The following SLC6A4 variants were observed in gnomAD, a reference collection of about 807,000 sequenced individuals.
SLC6A4 encodes the protein solute carrier family 6 member 4.
Under a neutral mutation model 73.4 loss-of-function variants are expected in SLC6A4, and 22 were observed. The ratio of observed to expected loss-of-function variants is 0.30; its 90% CI spans 0.21 to 0.43. The LOEUF is 0.43. SLC6A4 is among the 20% of genes least tolerant of loss of function. SLC6A4 has a pLI of 1.00. For missense variants in SLC6A4, 593 were observed against 808.5 expected (o/e 0.73, Z 3.23); for synonymous variants, 270 against 315.5 (o/e 0.86, Z 1.53).
At position 30,218,153 on chromosome 17, in the gene SLC6A4, G is replaced by A. The variant is rs1452944967; in HGVS notation, c.663C>T (p.Thr221=). 1.2e-6 allele frequency: 2 copies of A among 1,614,200 alleles called. No individual in the cohort carries two copies. The highest frequency in any genetic ancestry group is 1.7e-6 in the Non-Finnish European group (2 of 1,180,028). Reference sequence around the variant, plus strand: ...CTTCAGCAGGGGACGTGGAATGGAGGGTCCAGGTGATGTTGTCCTCGGAGA... The same window carrying A: ...CTTCAGCAGGGGACGTGGAATGGAGAGTCCAGGTGATGTTGTCCTCGGAGA... ...NYFSEDNITW[T]LHSTSPAEEF... The change falls in exon 5 of 15, where the codon ACC becomes ACT. Residue 221 remains threonine, a synonymous_variant. Coordinates refer to ENST00000650711, the MANE Select transcript of SLC6A4 (RefSeq NM_001045.6).
chr17:30,224,128 G>T (rs1906855815), intron 1 of SLC6A4, among the ~76,000 whole-genome samples: 1 of 152,124 alleles, frequency 6.6e-6, no homozygotes, highest in Non-Finnish European at 1.5e-5. Flanking sequence ...AAGGCCAAAT[G>T]GCAGGGAGGA....
intron 1 of SLC6A4, among the ~76,000 whole-genome samples, chr17:30,230,817 A>T (rs1907089665): frequency 6.6e-6 from 1 of 152,100 alleles, no homozygotes; most frequent in Admixed American, 6.6e-5. Context: ...ACGTGCAACC[A>T]CCTCTTCAGC....
At chr17:30,218,402 G>T in intron 4 of SLC6A4, 65 bp from the exon 5 acceptor site, 1 of 1,291,812 alleles carries the variant, frequency 7.7e-7, no homozygotes, top group Non-Finnish European at 1.1e-6. Flanking sequence ...GCAAAAGGCT[G>T]AAACGGGGCA....
At chr17:30,217,327 G>T in intron 5 of SLC6A4, 23 bp from the exon 6 acceptor site, 1 of 1,609,614 alleles carries the variant, frequency 6.2e-7, no homozygotes, top group Non-Finnish European at 8.5e-7. Flanking sequence ...AGAAAGAAAG[G>T]CCCCTGAGAG....
Position 30,218,348 on chromosome 17 carries a change from G to T in SLC6A4, c.479-11C>A. 6.2e-7 allele frequency: 1 copy of T among 1,606,950 alleles called. No individual in the cohort carries two copies. The highest frequency in any genetic ancestry group is 8.5e-7 in the Non-Finnish European group (1 of 1,174,196). ...TGGCATAACCAATCCCTGGGCAGTG[G>T]GTGAGATGGAGAGACAGAGGCCGAG... On this transcript the variant is annotated splice_polypyrimidine_tract_variant and intron_variant, in intron 4 of 14. Coordinates refer to ENST00000650711, the MANE Select transcript of SLC6A4 (RefSeq NM_001045.6).
chr17:30,213,807 C>G, intron 8 of SLC6A4, among the ~76,000 whole-genome samples: 1 of 152,044 alleles, frequency 6.6e-6, no homozygotes, highest in East Asian at 1.9e-4. Context: ...AGTGCAGTGG[C>G]ATGAACACAG....
intron 8 of SLC6A4, among the ~76,000 whole-genome samples, chr17:30,214,709 C>T (rs1434240755): frequency 1.3e-5 from 2 of 149,504 alleles, no homozygotes; most frequent in Non-Finnish European, 1.5e-5. Context: ...CTCGGCTCAC[C>T]GCAAACTCCA....
At chr17:30,232,139 T>G (rs1907131429) in intron 1 of SLC6A4, among the ~76,000 whole-genome samples, 1 of 152,226 alleles carries the variant, frequency 6.6e-6, no homozygotes, top group African/African-American at 2.4e-5. Flanking sequence ...TGAAATGCTC[T>G]TTTTTCCTGT....
intron 13 of SLC6A4, among the ~76,000 whole-genome samples, chr17:30,206,859 C>T (rs951212240): frequency 2.0e-5 from 3 of 151,384 alleles, no homozygotes; most frequent in Non-Finnish European, 4.4e-5. Context: ...GCACCTAGTA[C>T]CATGCCCAGC....
At chr17:30,224,117 GAAGGCCA>G (rs1906855297) in intron 1 of SLC6A4, among the ~76,000 whole-genome samples, 1 of 152,162 alleles carries the variant, frequency 6.6e-6, no homozygotes, top group Admixed American at 6.5e-5. Flanking sequence ...TGACGAACTT[GAAGGCCA>G]AATGGCAGGG....
intron 13 of SLC6A4, among the ~76,000 whole-genome samples, chr17:30,207,373 A>G (rs1298665470): frequency 6.6e-6 from 1 of 152,050 alleles, no homozygotes; most frequent in Non-Finnish European, 1.5e-5. Context: ...TTTTCTGTAT[A>G]TGTTATTCTT....
At chr17:30,220,942 C>T (rs1182137014) in intron 3 of SLC6A4, among the ~76,000 whole-genome samples, 1 of 145,050 alleles carries the variant, frequency 6.9e-6, no homozygotes, top group Non-Finnish European at 1.5e-5. Flanking sequence ...GACACGCTGT[C>T]TTCAGCTTTT....
At chr17:30,222,173 T>G (rs972920413) in intron 2 of SLC6A4, 92 bp from the exon 3 acceptor site, 2 of 756,500 alleles carry the variant, frequency 2.6e-6, no homozygotes, top group African/African-American at 3.5e-5. Context: ...ACTACATTAG[T>G]TAACGGGATT....
chr17:30,208,922 G>A (rs1352653881), intron 12 of SLC6A4, among the ~76,000 whole-genome samples: 3 of 150,370 alleles, frequency 2.0e-5, no homozygotes, highest in Non-Finnish European at 3.0e-5. Flanking sequence ...GGCTGGTCTC[G>A]AACTCCTGAT....
At chr17:30,230,453 T>C (rs1308467633) in intron 1 of SLC6A4, among the ~76,000 whole-genome samples, 1 of 152,196 alleles carries the variant, frequency 6.6e-6, no homozygotes, top group Non-Finnish European at 1.5e-5. Context: ...CAGCTTTTCT[T>C]TTCCTTTATA....
intron 2 of SLC6A4, among the ~76,000 whole-genome samples, chr17:30,222,406 G>A (rs2143015589): frequency 6.6e-6 from 1 of 152,280 alleles, no homozygotes; most frequent in African/African-American, 2.4e-5. Flanking sequence ...CTCATCTTGT[G>A]GTTTGCCAGC....
chr17:30,213,487 G>C (rs1028413627), intron 8 of SLC6A4, among the ~76,000 whole-genome samples: 5 of 151,868 alleles, frequency 3.3e-5, no homozygotes, highest in African/African-American at 1.2e-4. Context: ...ATTTTTAGTA[G>C]AGATGGGGTT....
intron 3 of SLC6A4, among the ~76,000 whole-genome samples, chr17:30,219,922 T>A: frequency 6.6e-6 from 1 of 152,216 alleles, no homozygotes; most frequent in Non-Finnish European, 1.5e-5. Flanking sequence ...CCATGTGTTC[T>A]CGTGATGGCC....
In SLC6A4 at chr17:30,195,907, C is replaced by T. The variant is rs1160160377; in HGVS notation, c.*2549G>A. ...GTTTGGCTCACTGCAACCTCTGCCT[C>T]CTGGGTTCAAGCAATTCTCCTGCCT... is the stretch of plus-strand genomic sequence containing the variant. On this transcript the variant is annotated 3_prime_UTR_variant, in exon 15 of 15. Transcript: ENST00000650711. The T allele has an allele frequency of 1.3e-5, 2 of 151,538 alleles. No individual in the cohort carries two copies. The highest frequency in any genetic ancestry group is 2.9e-5 in the Non-Finnish European group (2 of 67,968). The allele number at this position is 151,538 out of a possible 1,614,324, so 9.4% of individuals were successfully genotyped here. A position where few individuals can be genotyped will look rare whatever the true frequency, so the allele number is the denominator to read the frequency against.
Sources: allele counts gnomAD v4.1 joint callset (sites outside exome capture counted in the v4.1 genomes callset), GRCh38; gene constraint gnomAD v4.1.1; transcripts MANE v1.5; gene names NCBI Gene and HGNC (gene_info 2026-07-23, HGNC 2026-07-21).